SDHAF3: variants seen among roughly 807,000 people sequenced by gnomAD.
SDHAF3 encodes the protein succinate dehydrogenase assembly factor 3, mitochondrial.
SDHAF3 carries 18 observed loss-of-function variants against 11.5 expected under a neutral mutation model. That is an observed-to-expected ratio of 1.56 (90% CI 1.08 to 2.32). The LOEUF is 2.32. Among genes scored for constraint, SDHAF3 ranks in the 30% most tolerant of loss-of-function variants. The pLI is 0.00. For missense variants in SDHAF3, 200 were observed against 154.4 expected (o/e 1.30, Z -1.57); for synonymous variants, 72 against 59.3 (o/e 1.21, Z -0.99).
chr7:97,158,830 G>C (rs1789351094), intron 1 of SDHAF3, among the ~76,000 whole-genome samples: 1 of 152,080 alleles, frequency 6.6e-6, no homozygotes, highest in Non-Finnish European at 1.5e-5. Flanking sequence ...TCATTCTGTA[G>C]TTAATTTAAA....
At chr7:97,171,672 G>A (rs1789603163) in intron 1 of SDHAF3, among the ~76,000 whole-genome samples, 1 of 151,972 alleles carries the variant, frequency 6.6e-6, no homozygotes, top group African/African-American at 2.4e-5. Flanking sequence ...TTTGGTTTTA[G>A]TATTAAAGGA....
chr7:97,150,050 A>G (rs1353271628), intron 1 of SDHAF3, among the ~76,000 whole-genome samples: 4 of 152,248 alleles, frequency 2.6e-5, no homozygotes, highest in Non-Finnish European at 5.9e-5. Flanking sequence ...GCTCATCCAT[A>G]AGAGAGAACT....
rs760576453 is a variant in SDHAF3 at position 97,181,020 on chromosome 7, A to G, written c.183A>G (p.Ala61=). 6.2e-7 allele frequency: 1 copy of G among 1,613,682 alleles called. No homozygotes were observed. The highest frequency in any genetic ancestry group is 1.1e-5 in the South Asian group (1 of 91,024). ...QRFLQEWEVY[A]TALLQQANEN... Reference sequence around the variant, plus strand: ...ATTCTTTATCTTTTTAGGTGTATGCAACAGCGTTATTGCAACAGGCTAACG... The same window carrying G: ...ATTCTTTATCTTTTTAGGTGTATGCGACAGCGTTATTGCAACAGGCTAACG... Residue 61 remains alanine (A), a synonymous_variant, in exon 2 of 2, where the codon GCA becomes GCG. Transcript: ENST00000432641.
At chr7:97,151,583 C>G (rs964789183) in intron 1 of SDHAF3, among the ~76,000 whole-genome samples, 3 of 151,062 alleles carry the variant, frequency 2.0e-5, no homozygotes, top group Non-Finnish European at 4.4e-5. Context: ...ACTGCAAGCT[C>G]TGCCCCCCGG....
At chr7:97,160,918 GTT>G (rs891871277) in intron 1 of SDHAF3, among the ~76,000 whole-genome samples, 14 of 151,618 alleles carry the variant, frequency 9.2e-5, no homozygotes, top group Admixed American at 9.2e-4. Flanking sequence ...ACTTGTTTCA[GTT>G]TCTTTGTCAT....
chr7:97,180,911 T>C, intron 1 of SDHAF3, 101 bp from the exon 2 acceptor site: 1 of 982,648 alleles, frequency 1.0e-6, no homozygotes, highest in Non-Finnish European at 1.5e-6. Flanking sequence ...CTGCATTTAC[T>C]GATGAGGAAA....
chr7:97,135,486 C>G (rs1791738704), intron 1 of SDHAF3: 1 of 152,512 alleles, frequency 6.6e-6, no homozygotes, highest in African/African-American at 2.4e-5. Flanking sequence ...TTTTGTACTT[C>G]TGGCCTATAC....
intron 1 of SDHAF3, among the ~76,000 whole-genome samples, chr7:97,145,552 T>C (rs1789122151): frequency 6.6e-6 from 1 of 152,226 alleles, no homozygotes; most frequent in Non-Finnish European, 1.5e-5. Flanking sequence ...TAAGGGATAC[T>C]GAAGGCATTT....
intron 1 of SDHAF3, among the ~76,000 whole-genome samples, chr7:97,121,439 T>C (rs1300638385): frequency 1.3e-5 from 2 of 152,246 alleles, no homozygotes. Context: ...GTCTCTTGCC[T>C]AGTTCCTGTT....
Position 97,117,898 on chromosome 7 carries a change from G to C in SDHAF3, c.174+1G>C. 1 of 1,613,792 alleles carries C rather than the reference G, an allele frequency of 6.2e-7. No homozygotes were observed. Among genetic ancestry groups the C allele is most frequent in the Non-Finnish European group, 8.5e-7 (1 of 1,179,764 alleles). On this transcript the variant is annotated splice_donor_variant, in intron 1 of 1. Coordinates refer to ENST00000432641, the MANE Select transcript of SDHAF3 (RefSeq NM_020186.3). LOFTEE classifies it high-confidence loss of function. ...ACAGCGTTTCTTGCAAGAATGGGAG[G>C]CAAGTGACGCTCCCTTCTCTTTGCC...
chr7:97,159,372 A>G (rs375931362), intron 1 of SDHAF3, among the ~76,000 whole-genome samples: 1 of 152,236 alleles, frequency 6.6e-6, no homozygotes, highest in East Asian at 1.9e-4. Flanking sequence ...TTTATTCACC[A>G]GAGCATCACA....
chr7:97,120,420 G>C (rs1013032029), intron 1 of SDHAF3, among the ~76,000 whole-genome samples: 6 of 152,054 alleles, frequency 3.9e-5, no homozygotes, highest in African/African-American at 1.5e-4. Flanking sequence ...CTAATGATTG[G>C]AGGGGAGAAA....
intron 1 of SDHAF3, among the ~76,000 whole-genome samples, chr7:97,127,365 C>G (rs1393693220): frequency 6.6e-6 from 1 of 152,204 alleles, no homozygotes; most frequent in Non-Finnish European, 1.5e-5. Flanking sequence ...ATTCTTTATA[C>G]TTGTGTGATA....
In SDHAF3 at chr7:97,117,783, C is replaced by T. The variant is rs1584203771; in HGVS notation, c.60C>T (p.His20=). The change falls in exon 1 of 2, where the codon CAC becomes CAT. Residue 20 remains histidine (H), a synonymous_variant. Coordinates refer to ENST00000432641, the MANE Select transcript of SDHAF3 (RefSeq NM_020186.3). ...RALYKRVLQL[H]RVLPPDLKSL... ...TGTACAAGCGCGTCTTGCAGCTGCACCGTGTTCTGCCCCCGGACCTCAAAT... is the reference window on the plus strand; with the variant it reads ...TGTACAAGCGCGTCTTGCAGCTGCATCGTGTTCTGCCCCCGGACCTCAAAT... 6.2e-7 allele frequency: 1 copy of T among 1,614,200 alleles called. No individual in the cohort carries two copies. The highest frequency in any genetic ancestry group is 8.5e-7 in the Non-Finnish European group (1 of 1,180,042).
chr7:97,176,698 T>A (rs1789684151), intron 1 of SDHAF3, among the ~76,000 whole-genome samples: 2 of 152,166 alleles, frequency 1.3e-5, no homozygotes, highest in South Asian at 4.1e-4. Flanking sequence ...CTACCCAAGA[T>A]GTTCATTCAT....
intron 1 of SDHAF3, among the ~76,000 whole-genome samples, chr7:97,167,536 G>A (rs924571980): frequency 2.6e-5 from 4 of 152,108 alleles, no homozygotes; most frequent in African/African-American, 4.8e-5. Flanking sequence ...TTATCAAAAC[G>A]GGAATTGCCA....
At chr7:97,153,364 T>C (rs1789254628) in intron 1 of SDHAF3, among the ~76,000 whole-genome samples, 1 of 152,216 alleles carries the variant, frequency 6.6e-6, no homozygotes, top group African/African-American at 2.4e-5. Context: ...AAGTTTCCTA[T>C]GTGTCTTTTC....
chr7:97,159,848 G>T (rs954747672), intron 1 of SDHAF3, among the ~76,000 whole-genome samples: 3 of 152,172 alleles, frequency 2.0e-5, no homozygotes, highest in Admixed American at 1.3e-4. Flanking sequence ...CGAGAAGGTT[G>T]GTTCTGACAG....
At chr7:97,139,545 G>A (rs1425708104) in intron 1 of SDHAF3, among the ~76,000 whole-genome samples, 1 of 152,204 alleles carries the variant, frequency 6.6e-6, no homozygotes, top group Non-Finnish European at 1.5e-5. Context: ...AGGAAGAGAG[G>A]TTCTCAATCT....
Sources: gnomAD v4.1 joint callset for allele counts (sites outside exome capture counted in the v4.1 genomes callset) on GRCh38, gnomAD v4.1.1 for gene constraint, MANE v1.5 for transcripts, NCBI Gene and HGNC (gene_info 2026-07-23, HGNC 2026-07-21) for gene names.